The following NAV1 variants were observed in gnomAD, a reference collection of about 807,000 sequenced individuals.
NAV1 encodes the protein pore membrane and/or filament interacting like protein 3.
NAV1 carries 18 observed loss-of-function variants against 175.2 expected under a neutral mutation model. The ratio of observed to expected loss-of-function variants is 0.10; its 90% confidence interval spans 0.07 to 0.15. The LOEUF (loss-of-function observed/expected upper bound fraction) is 0.15, where lower values mean the gene tolerates loss of function less well. Ranked by LOEUF, NAV1 falls within the 10% of genes least tolerant of loss-of-function variation. The probability of loss-of-function intolerance (pLI) is 1.00; values close to 1 mark genes in which losing one functional copy is unlikely to be tolerated. For missense variants in NAV1, 1,731 were observed against 2,436.6 expected, an observed-to-expected ratio of 0.71 and a Z score of 6.10; for synonymous variants, 897 against 978.7, an observed-to-expected ratio of 0.92 and a Z score of 1.56.
rs1365053365 is a variant in NAV1, at chr1:201,787,148, T to A, written c.2995+571T>A. 1.3e-5 allele frequency among the ~76,000 whole-genome samples: 2 copies of A among 152,046 alleles called. No individual in the cohort carries two copies. Among genetic ancestry groups the A allele is most frequent in the African/African-American group, 4.8e-5 (2 of 41,392 alleles). On this transcript the variant is annotated intron_variant, in intron 9 of 29. Transcript: ENST00000367296. The surrounding 1 kb of genome is among the most constrained non-coding windows in gnomAD (Gnocchi z 4.3). ...CTAGGGAGAAAGGAGAGCTAGGAAATAAGGAAGTGACTTAGAGACAGGGAG... is the reference window on the plus strand; with the variant it reads ...CTAGGGAGAAAGGAGAGCTAGGAAAAAAGGAAGTGACTTAGAGACAGGGAG...
Position 201,706,254 on chromosome 1 carries a change from GGTGTGTGTGT to G in NAV1, c.758-6546_758-6537del, listed in dbSNP as rs71138350. Among the ~76,000 whole-genome samples, 572 of 148,860 alleles carry G rather than the reference GGTGTGTGTGT, an allele frequency of 3.8e-3. 3 individuals are homozygous for G. Among genetic ancestry groups the G allele is most frequent in the African/African-American group, 0.013 (543 of 40,516 alleles). ...CTCTTTTTGGGAGTTATTAAGAAGG[GGTGTGTGTGT>G]GTGTGTGTGTGTGTGTCTGTGTGTT... On this transcript the variant is annotated intron_variant, in intron 1 of 29. Transcript: ENST00000367296.
At position 201,788,511 on chromosome 1, in the gene NAV1, C is replaced by G; in HGVS notation, c.3039C>G (p.Asn1013Lys). Reference sequence around the variant, plus strand: ...CCACGCCAAGAATCACCCGCTCCAACAGCATCCCCACCCACGAGGCGGCCT... The same window carrying G: ...CCACGCCAAGAATCACCCGCTCCAAGAGCATCCCCACCCACGAGGCGGCCT... The change falls in exon 10 of 30, where the codon AAC becomes AAG. Residue 1013 changes from asparagine (N) to lysine (K), a missense_variant. Physicochemically the swap from Asn to Lys is moderately conservative, Grantham distance 94. Transcript: ENST00000367296. This position sits in a 1 kb window ranked among gnomAD's most constrained non-coding sequence, Gnocchi z 5.7. 1 of 1,614,180 alleles carries G rather than the reference C, an allele frequency of 6.2e-7. No homozygotes were observed. Among genetic ancestry groups the G allele is most frequent in the Non-Finnish European group, 8.5e-7 (1 of 1,180,026 alleles).
At chr1:201,687,601 GA>G (rs1480595971) in intron 1 of NAV1, among the ~76,000 whole-genome samples, 3 of 152,074 alleles carry the variant, frequency 2.0e-5, no homozygotes, top group East Asian at 1.9e-4. Flanking sequence ...TCTACAGGTG[GA>G]AAAAAAATGA....
intron 2 of NAV1, among the ~76,000 whole-genome samples, chr1:201,632,156 C>G (rs901762417): frequency 1.8e-4 from 28 of 152,178 alleles, no homozygotes; most frequent in African/African-American, 6.3e-4. Context: ...GGCCAAAGAG[C>G]TTTCTCAGCC....
intron 1 of NAV1, among the ~76,000 whole-genome samples, chr1:201,691,112 G>C (rs1306702406): frequency 2.0e-5 from 3 of 152,192 alleles, no homozygotes; most frequent in Non-Finnish European, 4.4e-5. Flanking sequence ...TTTTGGGTCA[G>C]TTAATTCTTT....
chr1:201,564,786 C>T (rs1252835513), intron 1 of NAV1, among the ~76,000 whole-genome samples: 1 of 152,210 alleles, frequency 6.6e-6, no homozygotes, highest in Non-Finnish European at 1.5e-5. Context: ...GTGTTCCTAC[C>T]TGGAGGATCC....
intron 1 of NAV1, among the ~76,000 whole-genome samples, chr1:201,576,562 G>A (rs776049544): frequency 6.1e-5 from 9 of 147,676 alleles, no homozygotes; most frequent in South Asian, 2.2e-4. Flanking sequence ...GCAACACAGC[G>A]AGACCCTCTC....
intron 1 of NAV1, among the ~76,000 whole-genome samples, chr1:201,570,159 G>C (rs1251916186): frequency 6.6e-6 from 1 of 152,218 alleles, no homozygotes; most frequent in Non-Finnish European, 1.5e-5. Context: ...AATCAGAGCA[G>C]GTGGAAGGAA....
Position 201,727,051 on chromosome 1 carries a change from C to A in NAV1, c.1226+8296C>A, listed in dbSNP as rs141885038. On this transcript the variant is annotated intron_variant, in intron 3 of 29. Coordinates refer to ENST00000367296, the Ensembl canonical transcript of NAV1. ...ACCTCCCTCTGCTTGTTTCCTCAGC[C>A]GAAAACTGTGGAGAGAAGTGGTGCC... Among the ~76,000 whole-genome samples, 306 of 152,162 alleles carry A rather than the reference C, an allele frequency of 2.0e-3. 4 individuals carry two copies. Among genetic ancestry groups the A allele is most frequent in the Admixed American group, 0.018 (278 of 15,280 alleles).
chr1:201,580,319 C>T (rs1418094401), intron 1 of NAV1, among the ~76,000 whole-genome samples: 1 of 152,210 alleles, frequency 6.6e-6, no homozygotes, highest in Non-Finnish European at 1.5e-5. Context: ...TCCAATCAAG[C>T]TGACAGCTAA....
At chr1:201,809,836 C>T in intron 22 of NAV1, 110 bp from the exon 27 acceptor site, 1 of 1,086,116 alleles carries the variant, frequency 9.2e-7, no homozygotes, top group Non-Finnish European at 1.3e-6. Flanking sequence ...AAAGCATATG[C>T]TCTGCACTTT....
rs773544051 is a variant in NAV1 at position 201,740,124 on chromosome 1, G to T, written c.1226+21369G>T. ...CCTCACCGCCAGACCGCAGAGCTGGGGTCGGGTTTGTGGCACCCCCAGCCC... is the reference window on the plus strand; with the variant it reads ...CCTCACCGCCAGACCGCAGAGCTGGTGTCGGGTTTGTGGCACCCCCAGCCC... On this transcript the variant is annotated intron_variant, in intron 3 of 29. Transcript: ENST00000367296. This position sits in a 1 kb window ranked among gnomAD's most constrained non-coding sequence, Gnocchi z 4.7. 82 of 1,403,436 alleles carry T rather than the reference G, an allele frequency of 5.8e-5. 1 individual carries two copies. The South Asian group carries it at 1.3e-3, about 22-fold the overall frequency. 86.9% of individuals were successfully genotyped at this position (1,403,436 alleles called of 1,614,324 possible).
rs1161678297 is a variant in NAV1 at position 201,810,326 on chromosome 1, C to T, written c.4562-197C>T. On this transcript the variant is annotated intron_variant, in intron 23 of 29. Transcript: ENST00000367296. The surrounding 1 kb of genome is among the most constrained non-coding windows in gnomAD (Gnocchi z 6.0). ...TTGGCTTCTTGCTTCACTCCTCACC[C>T]CCAGCTCACAGCATGTCCCTAAAAA... is the stretch of plus-strand genomic sequence containing the variant. 6.6e-6 allele frequency among the ~76,000 whole-genome samples: 1 copy of T among 152,174 alleles called. No homozygotes were observed. The highest frequency in any genetic ancestry group is 1.5e-5 in the Non-Finnish European group (1 of 67,994).
chr1:201,608,888 A>G (rs1387384268), intron 2 of NAV1, among the ~76,000 whole-genome samples: 1 of 152,136 alleles, frequency 6.6e-6, no homozygotes, highest in Non-Finnish European at 1.5e-5. Flanking sequence ...ATGGGGGCTC[A>G]AGCACAGTTT....
chr1:201,554,117 C>G (rs1665945146), intron 1 of NAV1, among the ~76,000 whole-genome samples: 1 of 152,158 alleles, frequency 6.6e-6, no homozygotes, highest in African/African-American at 2.4e-5. Context: ...TCTCCTGGAG[C>G]TGGGAAGTTC....
At chr1:201,697,976 A>T (rs1396189956) in intron 1 of NAV1, among the ~76,000 whole-genome samples, 1 of 152,182 alleles carries the variant, frequency 6.6e-6, no homozygotes, top group African/African-American at 2.4e-5. Flanking sequence ...GACATTGAAT[A>T]CCTTGCCCAA....
chr1:201,601,482 A>G (rs1667509962), intron 2 of NAV1, among the ~76,000 whole-genome samples: 1 of 151,974 alleles, frequency 6.6e-6, no homozygotes, highest in Admixed American at 6.6e-5. Flanking sequence ...GACCTTGTCT[A>G]AAAAAAATAT....
intron 1 of NAV1, among the ~76,000 whole-genome samples, chr1:201,675,924 AATT>A (rs888974507): frequency 2.6e-5 from 4 of 152,154 alleles, no homozygotes; most frequent in African/African-American, 9.7e-5. Flanking sequence ...TCATAATTAG[AATT>A]ATTTATTCCC....
intron 1 of NAV1, among the ~76,000 whole-genome samples, chr1:201,554,960 T>G (rs1665970786): frequency 1.3e-5 from 2 of 152,174 alleles, no homozygotes; most frequent in African/African-American, 4.8e-5. Flanking sequence ...TCCCTTGGTG[T>G]AGAGACACAT....
Sources: allele counts gnomAD v4.1 joint callset (sites outside exome capture counted in the v4.1 genomes callset), GRCh38; gene constraint gnomAD v4.1.1; non-coding constraint Gnocchi (gnomAD v3.1); transcripts MANE v1.5; gene names NCBI Gene and HGNC (gene_info 2026-07-23, HGNC 2026-07-21).